The following EPS15 variants were observed in gnomAD, a reference collection of about 807,000 sequenced individuals.
EPS15 encodes epidermal growth factor receptor pathway substrate 15, also known as epidermal growth factor receptor substrate 15.
A neutral mutation model predicts 113.8 loss-of-function variants in EPS15; 72 were observed. The observed-to-expected ratio is 0.63, with a 90% confidence interval of 0.52 to 0.77. EPS15 has a LOEUF of 0.77. Among genes scored for constraint, EPS15 ranks in the 30% least tolerant of loss-of-function variants. The probability of loss-of-function intolerance (pLI) is 0.00; values close to 1 mark genes in which losing one functional copy is unlikely to be tolerated. For missense variants in EPS15, 1,048 were observed against 1,045.8 expected, an observed-to-expected ratio of 1.00 and a Z score of -0.03; for synonymous variants, 344 against 363.4, an observed-to-expected ratio of 0.95 and a Z score of 0.61.
chr1:51,382,212 C>A (rs1646956357), intron 21 of EPS15: 1 of 152,084 alleles, frequency 6.6e-6, no homozygotes, highest in South Asian at 2.1e-4. Flanking sequence ...TTCTGAGAAA[C>A]ACAAGTCATG....
intron 21 of EPS15, among the ~76,000 whole-genome samples, chr1:51,376,017 TA>T (rs1235716663): frequency 2.0e-5 from 3 of 152,228 alleles, no homozygotes; most frequent in Non-Finnish European, 4.4e-5. Context: ...AATTGATCTA[TA>T]AAGGTGGCTA....
intron 6 of EPS15, among the ~76,000 whole-genome samples, chr1:51,464,627 A>G (rs1448694054): frequency 6.6e-6 from 1 of 152,210 alleles, no homozygotes; most frequent in Non-Finnish European, 1.5e-5. Flanking sequence ...CAATAACAAG[A>G]TATCTCCTAA....
At chr1:51,408,087 GAC>G in intron 15 of EPS15, 46 bp downstream of exon 15, 1 of 1,494,418 alleles carries the variant, frequency 6.7e-7, no homozygotes, top group Non-Finnish European at 9.3e-7. Context: ...CTGACTAAAG[GAC>G]ACAGAGGATC....
At chr1:51,461,070 T>C in intron 8 of EPS15, 21 bp downstream of exon 8, 1 of 1,504,972 alleles carries the variant, frequency 6.6e-7, no homozygotes. Context: ...ATGAAGATGT[T>C]AAGAACATTA....
intron 1 of EPS15, among the ~76,000 whole-genome samples, chr1:51,516,527 A>G (rs1644720378): frequency 6.6e-6 from 1 of 152,212 alleles, no homozygotes; most frequent in Non-Finnish European, 1.5e-5. Flanking sequence ...TCTAGAAGCT[A>G]GACTATAATA....
intron 21 of EPS15, among the ~76,000 whole-genome samples, chr1:51,369,915 A>G (rs1646605716): frequency 6.6e-6 from 1 of 152,232 alleles, no homozygotes; most frequent in South Asian, 2.1e-4. Context: ...ATGCAAAGAA[A>G]AAAGGGACAG....
At chr1:51,430,195 A>G (rs75221171) in intron 12 of EPS15, among the ~76,000 whole-genome samples, 2,741 of 152,294 alleles carry the variant, frequency 0.018, 33 homozygotes, top group South Asian at 0.028. Flanking sequence ...GATTACAGTA[A>G]TAACTATAGA....
intron 3 of EPS15, 27 bp downstream of exon 3, chr1:51,472,832 A>C (rs1210594671): frequency 4.6e-6 from 7 of 1,513,104 alleles, no homozygotes; most frequent in Non-Finnish European, 6.4e-6. Context: ...ACAAACTTAT[A>C]ATCTAGTTAT....
At chr1:51,483,601 A>T (rs757384737) in intron 1 of EPS15, among the ~76,000 whole-genome samples, 9 of 151,976 alleles carry the variant, frequency 5.9e-5, no homozygotes, top group Middle Eastern at 3.2e-3. Context: ...AGGTCAGGAG[A>T]TCAAGACCAT....
chr1:51,365,802 TTA>T (rs1444317583), intron 22 of EPS15, 149 bp downstream of exon 22: 2 of 545,740 alleles, frequency 3.7e-6, no homozygotes, highest in Non-Finnish European at 6.4e-6. Context: ...TAACTATATG[TTA>T]TCTTTCATTT....
At chr1:51,426,198 G>A (rs535072085) in intron 12 of EPS15, among the ~76,000 whole-genome samples, 9 of 151,668 alleles carry the variant, frequency 5.9e-5, no homozygotes, top group East Asian at 1.9e-4. Context: ...AGTCCTTTTA[G>A]GAGATTGCTT....
intron 23 of EPS15, among the ~76,000 whole-genome samples, chr1:51,363,284 C>T (rs138751452): frequency 8.6e-4 from 115 of 133,732 alleles, no homozygotes; most frequent in Middle Eastern, 9.1e-3. Flanking sequence ...GGCAACAGAG[C>T]GAGATTCCAT....
chr1:51,475,291 C>T (rs965016995), intron 2 of EPS15, among the ~76,000 whole-genome samples: 6 of 152,166 alleles, frequency 3.9e-5, no homozygotes, highest in African/African-American at 1.4e-4. Flanking sequence ...AGTTTACACT[C>T]CCATCAACAG....
At chr1:51,473,899 T>C (rs1339915990) in intron 2 of EPS15, among the ~76,000 whole-genome samples, 4 of 152,182 alleles carry the variant, frequency 2.6e-5, no homozygotes, top group African/African-American at 7.2e-5. Flanking sequence ...AAACATGGCC[T>C]AATCCTTCAA....
At chr1:51,508,218 GAAA>G (rs1557536175) in intron 1 of EPS15, among the ~76,000 whole-genome samples, 2 of 95,766 alleles carry the variant, frequency 2.1e-5, no homozygotes, top group African/African-American at 7.9e-5. Context: ...GAAAAGAAAA[GAAA>G]AGAAAAGAAA....
intron 12 of EPS15, among the ~76,000 whole-genome samples, chr1:51,424,634 T>A (rs904711597): frequency 6.6e-6 from 1 of 152,196 alleles, no homozygotes; most frequent in Non-Finnish European, 1.5e-5. Context: ...CTGGGTGTGG[T>A]GGCTCACACC....
At chr1:51,463,855 G>C (rs1205026220) in intron 6 of EPS15, 57 bp from the exon 7 acceptor site, 11 of 1,117,684 alleles carry the variant, frequency 9.8e-6, no homozygotes, top group Non-Finnish European at 1.4e-5. Context: ...TTTAACTGCA[G>C]TTATAAAAAT....
At chr1:51,477,621 T>C (rs893781151) in intron 2 of EPS15, among the ~76,000 whole-genome samples, 2 of 152,186 alleles carry the variant, frequency 1.3e-5, no homozygotes, top group Non-Finnish European at 1.5e-5. Context: ...ACACACTGCT[T>C]TGAATGTGTC....
intron 8 of EPS15, among the ~76,000 whole-genome samples, chr1:51,453,707 AAG>A (rs1201543774): frequency 2.6e-5 from 4 of 152,188 alleles, no homozygotes; most frequent in Non-Finnish European, 1.5e-5. Context: ...ACAGGAGGGA[AAG>A]AGGGGATTTA....
Sources: allele counts gnomAD v4.1 joint callset (sites outside exome capture counted in the v4.1 genomes callset), GRCh38; gene constraint gnomAD v4.1.1; transcripts MANE v1.5; gene names NCBI Gene and HGNC (gene_info 2026-07-23, HGNC 2026-07-21).